Variants in CAPN7 observed in about 807,000 individuals in gnomAD.
CAPN7 encodes calpain-7.
CAPN7 carries 72 observed loss-of-function variants against 115.2 expected under a neutral mutation model. That is an observed-to-expected ratio of 0.63 (90% CI 0.52 to 0.76). The LOEUF is 0.76. Ranked by LOEUF, CAPN7 falls within the 30% of genes least tolerant of loss-of-function variation. CAPN7 has a pLI of 0.00. For missense variants in CAPN7, 905 were observed against 971.5 expected (o/e 0.93, Z 0.91); for synonymous variants, 344 against 322.3 (o/e 1.07, Z -0.72).
intron 12 of CAPN7, among the ~76,000 whole-genome samples, chr3:15,237,291 C>G (rs1048162628): frequency 1.3e-5 from 2 of 152,184 alleles, no homozygotes; most frequent in African/African-American, 4.8e-5. Flanking sequence ...TAAACACACA[C>G]ATTAGCCTAG....
chr3:15,250,377 A>G (rs1695934596), intron 19 of CAPN7, among the ~76,000 whole-genome samples: 1 of 151,708 alleles, frequency 6.6e-6, no homozygotes, highest in African/African-American at 2.4e-5. Flanking sequence ...TGTCTCAAAA[A>G]TAAAAAAGAG....
At chr3:15,217,371 T>A (rs1693691945) in intron 2 of CAPN7, 54 bp from the exon 3 acceptor site, 1 of 1,386,884 alleles carries the variant, frequency 7.2e-7, no homozygotes. Flanking sequence ...AATAGTGTGT[T>A]TTCTGGCTGT....
chr3:15,231,656 A>C (rs1319481273), intron 9 of CAPN7, among the ~76,000 whole-genome samples: 1 of 151,706 alleles, frequency 6.6e-6, no homozygotes, highest in Non-Finnish European at 1.5e-5. Context: ...CAGCCTCCCG[A>C]GTAGCTGGGA....
intron 5 of CAPN7, among the ~76,000 whole-genome samples, chr3:15,223,092 C>T (rs1372822230): frequency 6.6e-6 from 1 of 152,132 alleles, no homozygotes; most frequent in Admixed American, 6.5e-5. Flanking sequence ...AACCAGAAAA[C>T]GTGAAGAGCA....
At chr3:15,221,219 G>C (rs1282669878) in intron 5 of CAPN7, among the ~76,000 whole-genome samples, 2 of 151,754 alleles carry the variant, frequency 1.3e-5, no homozygotes, top group Non-Finnish European at 2.9e-5. Context: ...TCACTCTGTT[G>C]TTCAGGCTGG....
rs1433969658 is a variant in CAPN7 at position 15,245,653 on chromosome 3, A to G, written c.1992A>G (p.Thr664=). The G allele has an allele frequency of 6.2e-7, 1 of 1,613,790 alleles. No homozygotes were observed. The highest frequency in any genetic ancestry group is 8.5e-7 in the Non-Finnish European group (1 of 1,179,852). The stretch of plus-strand genomic sequence containing the variant: ...TTTCTCAATATGAAAAACAGAACAC[A>G]ATCCATTACACGGTTCGGGTAAGTA... ...LVVSQYEKQN[T]IHYTVRVYSA... The change falls in exon 17 of 21, where the codon ACA becomes ACG. Residue 664 remains threonine (T), a synonymous_variant. Coordinates refer to ENST00000253693, the MANE Select transcript of CAPN7 (RefSeq NM_014296.3).
In CAPN7 at chr3:15,241,408, A is replaced by G. The variant is rs1384527941; in HGVS notation, c.1653-45A>G. On this transcript the variant is annotated intron_variant, in intron 14 of 20. Transcript: ENST00000253693. Reference sequence around the variant, plus strand: ...TGAAATAGTGTTATATTTTAGCTCTATGAGAAATTTAATTACAACCTTCTT... The same window carrying G: ...TGAAATAGTGTTATATTTTAGCTCTGTGAGAAATTTAATTACAACCTTCTT... 15 of 1,586,272 alleles carry G rather than the reference A, an allele frequency of 9.5e-6. No individual in the cohort carries two copies. In the East Asian group the frequency reaches 1.6e-4, roughly 17 times the overall value.
At chr3:15,240,135 G>C (rs572220154) in intron 12 of CAPN7, among the ~76,000 whole-genome samples, 27 of 152,334 alleles carry the variant, frequency 1.8e-4, no homozygotes, top group African/African-American at 6.5e-4. Context: ...TTCTGTATCT[G>C]GGCTGCCCAA....
chr3:15,240,743 T>A lies in CAPN7; in HGVS notation c.1553-11T>A. On this transcript the variant is annotated splice_polypyrimidine_tract_variant and intron_variant, in intron 13 of 20. Transcript: ENST00000253693. ...AGATTTTTTTAGATTAACAAAGATA[T>A]TAATTTTCAGGAATATTTTGGATTT... is the stretch of plus-strand genomic sequence containing the variant. 1.3e-6 allele frequency: 2 copies of A among 1,593,762 alleles called. No individual in the cohort carries two copies. The highest frequency in any genetic ancestry group is 1.7e-6 in the Non-Finnish European group (2 of 1,165,432).
At chr3:15,207,556 C>T (rs1296653693) in intron 1 of CAPN7, among the ~76,000 whole-genome samples, 1 of 152,022 alleles carries the variant, frequency 6.6e-6, no homozygotes, top group African/African-American at 2.4e-5. Flanking sequence ...AACTTTTTAA[C>T]TCTTTTGTAA....
At position 15,235,159 on chromosome 3, in the gene CAPN7, T is replaced by A; in HGVS notation, c.1407+14T>A. 6.3e-7 allele frequency: 1 copy of A among 1,578,084 alleles called. No homozygotes were observed. Among genetic ancestry groups the A allele is most frequent in the Non-Finnish European group, 8.6e-7 (1 of 1,166,540 alleles). ...AGAGAGTTCAAGGTTTTGCCTTAAA[T>A]CTTTTTCTTTTATTTTTCTTGTTGG... On this transcript the variant is annotated intron_variant, in intron 12 of 20. Transcript: ENST00000253693.
Position 15,240,455 on chromosome 3 carries a change from T to C in CAPN7, c.1408-18T>C. The C allele has an allele frequency of 6.2e-7, 1 of 1,604,706 alleles. No individual in the cohort carries two copies. ...TGTTTTACAACTTAATGTTATCTCC[T>C]GTTTCTTTTTTATATAGGGGCTGCG... On this transcript the variant is annotated intron_variant, in intron 12 of 20. Coordinates refer to ENST00000253693, the MANE Select transcript of CAPN7 (RefSeq NM_014296.3).
At chr3:15,219,976 G>A (rs539873229) in intron 4 of CAPN7, among the ~76,000 whole-genome samples, 1 of 152,240 alleles carries the variant, frequency 6.6e-6, no homozygotes, top group South Asian at 2.1e-4. Flanking sequence ...TGAGGTGGAC[G>A]AATCACCTGA....
intron 8 of CAPN7, 101 bp downstream of exon 8, chr3:15,229,160 A>G (rs1690180646): frequency 5.3e-6 from 4 of 750,052 alleles, no homozygotes; most frequent in East Asian, 2.5e-5. Flanking sequence ...AGGGCATATC[A>G]TTCAGAATAT....
Position 15,235,160 on chromosome 3 carries a change from C to T in CAPN7, c.1407+15C>T. The T allele has an allele frequency of 6.3e-7, 1 of 1,576,694 alleles. No homozygotes were observed. Among genetic ancestry groups the T allele is most frequent in the Non-Finnish European group, 8.6e-7 (1 of 1,165,724 alleles). Reference sequence around the variant, plus strand: ...GAGAGTTCAAGGTTTTGCCTTAAATCTTTTTCTTTTATTTTTCTTGTTGGA... The same window carrying T: ...GAGAGTTCAAGGTTTTGCCTTAAATTTTTTTCTTTTATTTTTCTTGTTGGA... On this transcript the variant is annotated intron_variant, in intron 12 of 20. Coordinates refer to ENST00000253693, the MANE Select transcript of CAPN7 (RefSeq NM_014296.3).
At chr3:15,220,361 C>T (rs568589616) in intron 4 of CAPN7, among the ~76,000 whole-genome samples, 7 of 152,316 alleles carry the variant, frequency 4.6e-5, no homozygotes, top group Non-Finnish European at 8.8e-5. Context: ...CACCCTTCTC[C>T]AACTCATCCC....
intron 12 of CAPN7, 62 bp from the exon 13 acceptor site, chr3:15,240,411 G>T: frequency 7.0e-7 from 1 of 1,438,172 alleles, no homozygotes; most frequent in Admixed American, 2.0e-5. Context: ...TCTAATAAGA[G>T]AACTAATATG....
At position 15,227,949 on chromosome 3, in the gene CAPN7, G is replaced by A. The variant is rs758856132; in HGVS notation, c.836G>A (p.Ser279Asn). ...CCTACAATGATATATACTGTGTCCAGTTTTAGCATAAAGCAGGTGAGCATT... is the reference window on the plus strand; with the variant it reads ...CCTACAATGATATATACTGTGTCCAATTTTAGCATAAAGCAGGTGAGCATT... ...NNPTMIYTVS[S>N]FSIKQTIVSD... Residue 279 changes from serine (S) to asparagine (N), a missense_variant, in exon 7 of 21, where the codon AGT becomes AAT. Transcript: ENST00000253693. 1.4e-6 allele frequency: 2 copies of A among 1,456,092 alleles called. No homozygotes were observed. The highest frequency in any genetic ancestry group is 4.9e-5 in the Admixed American group (2 of 40,592). The allele number at this position is 1,456,092 out of a possible 1,614,324, so 90.2% of individuals were successfully genotyped here.
At chr3:15,215,736 T>C (rs772137660) in intron 2 of CAPN7, among the ~76,000 whole-genome samples, 24 of 152,066 alleles carry the variant, frequency 1.6e-4, no homozygotes, top group Admixed American at 5.2e-4. Context: ...ATCCGTTCAT[T>C]AGTTTTTGGA....
Sources: gnomAD v4.1 joint callset for allele counts (sites outside exome capture counted in the v4.1 genomes callset) on GRCh38, gnomAD v4.1.1 for gene constraint, MANE v1.5 for transcripts, NCBI Gene and HGNC (gene_info 2026-07-23, HGNC 2026-07-21) for gene names.